COL28A1: variants seen among roughly 807,000 people sequenced by gnomAD.
COL28A1 encodes collagen alpha-1(XXVIII) chain.
In COL28A1, 161 loss-of-function variants were observed where a neutral mutation model predicts 150.2. The observed-to-expected ratio is 1.07, with a 90% CI of 0.94 to 1.22. The LOEUF is 1.22. COL28A1 is among the 50% of genes most tolerant of loss of function. COL28A1 has a pLI of 0.00. For synonymous variants in COL28A1, 552 were observed against 469.7 expected (o/e 1.18, Z -2.26); for missense variants, 1,617 against 1,388.3 (o/e 1.16, Z -2.62).
chr7:7,482,942 C>G (rs930751132), intron 13 of COL28A1, among the ~76,000 whole-genome samples: 6 of 152,094 alleles, frequency 3.9e-5, no homozygotes, highest in African/African-American at 1.2e-4. Context: ...GGGAAGAAGG[C>G]TAGGAAATTT....
intron 33 of COL28A1, among the ~76,000 whole-genome samples, chr7:7,362,613 A>ATT (rs3067667): frequency 0.78 from 117,815 of 151,838 alleles, 45,879 homozygotes; most frequent in East Asian, 0.82. Context: ...TAGAGCAAAG[A>ATT]TTTTTCCATT....
At chr7:7,447,780 A>G (rs996916273) in intron 18 of COL28A1, among the ~76,000 whole-genome samples, 1 of 152,212 alleles carries the variant, frequency 6.6e-6, no homozygotes, top group African/African-American at 2.4e-5. Context: ...TAGCAATAAA[A>G]GCTATCCTAA....
At chr7:7,541,410 C>T in the COL28A1 span, among the ~76,000 whole-genome samples, 2 of 151,826 alleles carry the variant, frequency 1.3e-5, no homozygotes, top group Non-Finnish European at 2.9e-5. Flanking sequence ...TTGTTTATAT[C>T]CAGAACTATA....
At chr7:7,379,594 T>G (rs891384191) in intron 30 of COL28A1, among the ~76,000 whole-genome samples, 6 of 152,170 alleles carry the variant, frequency 3.9e-5, no homozygotes, top group African/African-American at 9.7e-5. Flanking sequence ...ATTTCCCCAG[T>G]GCCTATTTTG....
chr7:7,453,149 A>G (rs1237978752), intron 17 of COL28A1, among the ~76,000 whole-genome samples: 1 of 152,208 alleles, frequency 6.6e-6, no homozygotes, highest in Non-Finnish European at 1.5e-5. Flanking sequence ...ACACATAACC[A>G]CTGGTTGCCT....
intron 8 of COL28A1, among the ~76,000 whole-genome samples, chr7:7,512,519 T>C (rs559892343): frequency 2.0e-5 from 3 of 152,254 alleles, no homozygotes; most frequent in Admixed American, 6.5e-5. Context: ...TAAAACTAAA[T>C]ATTTTTAAAA....
At chr7:7,366,225 G>C (rs1242405506) in intron 33 of COL28A1, among the ~76,000 whole-genome samples, 1 of 152,150 alleles carries the variant, frequency 6.6e-6, no homozygotes, top group African/African-American at 2.4e-5. Flanking sequence ...GCAGCTATGA[G>C]ATTTCATTTC....
At chr7:7,446,979 A>C (rs775042741) in intron 18 of COL28A1, among the ~76,000 whole-genome samples, 2 of 152,222 alleles carry the variant, frequency 1.3e-5, no homozygotes, top group African/African-American at 2.4e-5. Context: ...CCAGGAAAAC[A>C]ACCAACTTAA....
chr7:7,380,566 G>T, intron 30 of COL28A1, 94 bp downstream of exon 30: 2 of 1,079,540 alleles, frequency 1.9e-6, no homozygotes, highest in Non-Finnish European at 2.8e-6. Context: ...CTGGGATTCT[G>T]CATCCAAAAA....
chr7:7,345,745 T>A, the COL28A1 span, among the ~76,000 whole-genome samples: 2 of 152,068 alleles, frequency 1.3e-5, no homozygotes, highest in Non-Finnish European at 2.9e-5. Flanking sequence ...ATGTAATGTG[T>A]CATTTTTCTT....
chr7:7,371,232 C>A (rs1387118008), intron 32 of COL28A1, among the ~76,000 whole-genome samples: 3 of 152,202 alleles, frequency 2.0e-5, no homozygotes, highest in Admixed American at 2.0e-4. Context: ...TGCAAATATT[C>A]TTTACAGGCT....
intron 9 of COL28A1, among the ~76,000 whole-genome samples, chr7:7,509,852 T>C (rs1245300049): frequency 6.6e-6 from 1 of 152,254 alleles, no homozygotes; most frequent in South Asian, 2.1e-4. Flanking sequence ...TGTTCAGTTA[T>C]ACTCCAGGAA....
At position 7,419,025 on chromosome 7, in the gene COL28A1, T is replaced by C. The variant is rs61567987; in HGVS notation, c.2067+860A>G. On this transcript the variant is annotated intron_variant, in intron 26 of 34. Transcript: ENST00000399429. ...ATGGGCTCTAATTCACTTCTGTGCATTTTCGGCATGAATATACCAATTCAA... is the reference window on the plus strand; with the variant it reads ...ATGGGCTCTAATTCACTTCTGTGCACTTTCGGCATGAATATACCAATTCAA... 4.2e-3 allele frequency among the ~76,000 whole-genome samples: 636 copies of C among 152,316 alleles called. 2 individuals are homozygous for C. Among genetic ancestry groups the C allele is most frequent in the African/African-American group, 0.014 (584 of 41,570 alleles).
chr7:7,452,357 G>A lies in COL28A1; in HGVS notation c.1471C>T (p.Pro491Ser), dbSNP rs369673625. The A allele has an allele frequency of 5.0e-6, 8 of 1,604,724 alleles. No individual in the cohort carries two copies. The highest frequency in any genetic ancestry group is 6.8e-6 in the Non-Finnish European group (8 of 1,177,910). ...ACTCCAATTCCCACTGGTCCTCGAGGGCCTGTAGGTCCCATTTGGCCTACT... is the reference window on the plus strand; with the variant it reads ...ACTCCAATTCCCACTGGTCCTCGAGAGCCTGTAGGTCCCATTTGGCCTACT... ...GEVGQMGPTG[P>S]RGPVGIGVQG... Residue 491 changes from proline to serine, a missense_variant, in exon 18 of 35, where the codon CCT (proline) becomes TCT (serine). Coordinates refer to ENST00000399429, the MANE Select transcript of COL28A1 (RefSeq NM_001037763.3).
chr7:7,405,188 T>C (rs925183319), intron 27 of COL28A1, among the ~76,000 whole-genome samples: 1 of 152,338 alleles, frequency 6.6e-6, no homozygotes, highest in Admixed American at 6.5e-5. Flanking sequence ...ACTAATTTCC[T>C]TTATATGTAA....
At chr7:7,409,002 G>A (rs937405600) in intron 27 of COL28A1, among the ~76,000 whole-genome samples, 30 of 152,108 alleles carry the variant, frequency 2.0e-4, no homozygotes, top group Admixed American at 7.2e-4. Flanking sequence ...TTTGGGAGAT[G>A]TTGTTTAACA....
At chr7:7,350,105 G>C in the COL28A1 span, among the ~76,000 whole-genome samples, 1 of 152,064 alleles carries the variant, frequency 6.6e-6, no homozygotes, top group African/African-American at 2.4e-5. Flanking sequence ...AATTGGATCA[G>C]AATTACTGTA....
chr7:7,392,845 C>T (rs548546027), intron 27 of COL28A1, among the ~76,000 whole-genome samples: 96 of 152,264 alleles, frequency 6.3e-4, no homozygotes, highest in African/African-American at 2.1e-3. Context: ...ATGTTCTTCT[C>T]TAAGCTAGTT....
At chr7:7,363,781 C>T (rs1272860733) in intron 33 of COL28A1, among the ~76,000 whole-genome samples, 2 of 151,874 alleles carry the variant, frequency 1.3e-5, no homozygotes, top group Admixed American at 6.6e-5. Flanking sequence ...TATATTTCAC[C>T]ATGACTCTAT....
Sources: gnomAD v4.1 joint callset for allele counts (sites outside exome capture counted in the v4.1 genomes callset) on GRCh38, gnomAD v4.1.1 for gene constraint, MANE v1.5 for transcripts, NCBI Gene and HGNC (gene_info 2026-07-23, HGNC 2026-07-21) for gene names.